The following USP6NL variants were observed in gnomAD, a reference collection of about 807,000 sequenced individuals.
USP6NL encodes the protein USP6 N-terminal-like protein.
Under a neutral mutation model 61.9 loss-of-function variants are expected in USP6NL, and 26 were observed. That is an observed-to-expected ratio of 0.42 (90% CI 0.31 to 0.58). The LOEUF is 0.58. Ranked by LOEUF, USP6NL falls within the 20% of genes least tolerant of loss-of-function variation. The pLI is 0.16. For synonymous variants in USP6NL, 432 were observed against 390.1 expected, an observed-to-expected ratio of 1.11 and a Z score of -1.27; for missense variants, 1,114 against 1,034.3, an observed-to-expected ratio of 1.08 and a Z score of -1.06.
chr10:11,481,985 C>T lies in USP6NL; in HGVS notation c.926-63G>A. 2 of 1,482,622 alleles carry T rather than the reference C, an allele frequency of 1.3e-6. No homozygotes were observed. The highest frequency in any genetic ancestry group is 1.8e-6 in the Non-Finnish European group (2 of 1,110,184). The allele number at this position is 1,482,622 out of a possible 1,614,324, so 91.8% of individuals were successfully genotyped here. ...TAGCTACTTTAGGTAGGAAGATATT[C>T]TATTATATTCAGGTGTAGTGTAAAA... On this transcript the variant is annotated intron_variant, in intron 13 of 14. Coordinates refer to ENST00000609104, the MANE Select transcript of USP6NL (RefSeq NM_014688.5). The surrounding 1 kb of genome is among the most constrained non-coding windows in gnomAD (Gnocchi z 4.4).
intron 2 of USP6NL, among the ~76,000 whole-genome samples, chr10:11,578,892 C>T (rs576060839): frequency 3.9e-5 from 6 of 152,296 alleles, no homozygotes; most frequent in African/African-American, 9.6e-5. Context: ...TGCCACATCT[C>T]GTTTATATCA....
chr10:11,562,223 C>A lies in USP6NL; in HGVS notation c.5-34656G>T, dbSNP rs966909138. ...GTTGCAGTGAGCCGAGATCGCACCA[C>A]TGCACGCCAGCCTGGCGGACAGTGC... On this transcript the variant is annotated intron_variant, in intron 2 of 14. Transcript: ENST00000609104. This position sits in a 1 kb window ranked among gnomAD's most constrained non-coding sequence, Gnocchi z 4.8. Among the ~76,000 whole-genome samples the A allele has an allele frequency of 6.6e-6, 1 of 150,796 alleles. No homozygotes were observed. Among genetic ancestry groups the A allele is most frequent in the South Asian group, 2.1e-4 (1 of 4,792 alleles).
In USP6NL at chr10:11,489,331, T is replaced by C. The variant is rs1384191345; in HGVS notation, c.544-109A>G. ...ACCAGAAAATGCCTACACACATCAT[T>C]TAATGGTCCATTCTAGAGACAAATA... On this transcript the variant is annotated intron_variant, in intron 9 of 14. Coordinates refer to ENST00000609104, the MANE Select transcript of USP6NL (RefSeq NM_014688.5). This position sits in a 1 kb window ranked among gnomAD's most constrained non-coding sequence, Gnocchi z 5.7. The C allele has an allele frequency of 1.2e-5, 17 of 1,391,198 alleles. No homozygotes were observed. The East Asian group carries it at 3.0e-4, about 25-fold the overall frequency. 86.2% of individuals were successfully genotyped at this position (1,391,198 alleles called of 1,614,324 possible). A position where few individuals can be genotyped will look rare whatever the true frequency, so the allele number is the denominator to read the frequency against.
At chr10:11,582,637 A>T (rs1837819587) in intron 2 of USP6NL, among the ~76,000 whole-genome samples, 1 of 152,220 alleles carries the variant, frequency 6.6e-6, no homozygotes, top group Non-Finnish European at 1.5e-5. Flanking sequence ...ATTGTTTATG[A>T]ACAGAAGTAT....
In USP6NL at chr10:11,490,909, A is replaced by G. The variant is rs1833687583; in HGVS notation, c.495-29T>C. The G allele has an allele frequency of 1.3e-6, 2 of 1,503,876 alleles. No homozygotes were observed. Among genetic ancestry groups the G allele is most frequent in the Non-Finnish European group, 1.8e-6 (2 of 1,124,094 alleles). 93.2% of individuals were successfully genotyped at this position (1,503,876 alleles called of 1,614,324 possible). ...GAGAAAAAAATTTACATTAAATACA[A>G]TTTAGTAATTTCACATATTTTAAAA... On this transcript the variant is annotated intron_variant, in intron 8 of 14. Transcript: ENST00000609104. This position sits in a 1 kb window ranked among gnomAD's most constrained non-coding sequence, Gnocchi z 4.5.
intron 2 of USP6NL, among the ~76,000 whole-genome samples, chr10:11,531,134 G>A (rs543277467): frequency 2.6e-5 from 4 of 152,202 alleles, no homozygotes; most frequent in East Asian, 1.9e-4. Flanking sequence ...TTATGCTCTC[G>A]TTGCATGACA....
chr10:11,551,828 CT>C (rs1336824046), intron 2 of USP6NL, among the ~76,000 whole-genome samples: 1 of 152,172 alleles, frequency 6.6e-6, no homozygotes, highest in Non-Finnish European at 1.5e-5. Context: ...AATTATTTCA[CT>C]GTAATTTTGT....
At chr10:11,493,611 A>G (rs191535458) in intron 7 of USP6NL, among the ~76,000 whole-genome samples, 113 of 152,334 alleles carry the variant, frequency 7.4e-4, no homozygotes, top group African/African-American at 2.7e-3. Context: ...TTTTCCTTGA[A>G]GCTAATCATT....
At chr10:11,498,966 C>T (rs1047311322) in intron 7 of USP6NL, among the ~76,000 whole-genome samples, 2 of 152,156 alleles carry the variant, frequency 1.3e-5, no homozygotes, top group Non-Finnish European at 2.9e-5. Flanking sequence ...TGCCACTGTA[C>T]CTATTCATCT....
At chr10:11,550,445 G>T (rs150323970) in intron 2 of USP6NL, among the ~76,000 whole-genome samples, 1 of 151,802 alleles carries the variant, frequency 6.6e-6, no homozygotes, top group Admixed American at 6.6e-5. Flanking sequence ...TTGTTTTTTC[G>T]GGTTTTGTTT....
In USP6NL at chr10:11,495,251, G is replaced by A. The variant is rs145753874; in HGVS notation, c.385-2023C>T. 2.7e-3 allele frequency among the ~76,000 whole-genome samples: 412 copies of A among 152,310 alleles called. 1 individual carries two copies. Among genetic ancestry groups the A allele is most frequent in the African/African-American group, 9.2e-3 (383 of 41,576 alleles). ...TTTTCCTAGGTTATGATTATAGAGCGAGGATTATTATAATATTGGAATATA... is the reference window on the plus strand; with the variant it reads ...TTTTCCTAGGTTATGATTATAGAGCAAGGATTATTATAATATTGGAATATA... On this transcript the variant is annotated intron_variant, in intron 7 of 14. Coordinates refer to ENST00000609104, the MANE Select transcript of USP6NL (RefSeq NM_014688.5). The surrounding 1 kb of genome is among the most constrained non-coding windows in gnomAD (Gnocchi z 4.6).
At chr10:11,522,397 T>C (rs539434127) in intron 4 of USP6NL, among the ~76,000 whole-genome samples, 3 of 152,202 alleles carry the variant, frequency 2.0e-5, no homozygotes, top group South Asian at 2.1e-4. Flanking sequence ...TCTACATGCT[T>C]ACACCAAATG....
At chr10:11,524,652 T>C (rs1399744123) in intron 4 of USP6NL, among the ~76,000 whole-genome samples, 5 of 152,234 alleles carry the variant, frequency 3.3e-5, no homozygotes. Context: ...TCATGTATTA[T>C]AAAATAAAAA....
In USP6NL at chr10:11,562,552, T is replaced by G; in HGVS notation, c.5-34985A>C. ...GCTTGGCCACTGTGACTACTCTGAGTCTAGCTAGCCTGGACTGTTTCAGCC... is the reference window on the plus strand; with the variant it reads ...GCTTGGCCACTGTGACTACTCTGAGGCTAGCTAGCCTGGACTGTTTCAGCC... On this transcript the variant is annotated intron_variant, in intron 2 of 14. Coordinates refer to ENST00000609104, the MANE Select transcript of USP6NL (RefSeq NM_014688.5). This position sits in a 1 kb window ranked among gnomAD's most constrained non-coding sequence, Gnocchi z 4.8. The G allele has an allele frequency of 2.0e-6, 2 of 985,378 alleles. No homozygotes were observed. Among genetic ancestry groups the G allele is most frequent in the Non-Finnish European group, 2.4e-6 (2 of 829,900 alleles). The allele number at this position is 985,378 out of a possible 1,614,324, so 61.0% of individuals were successfully genotyped here.
At chr10:11,564,544 G>A (rs1431225493) in intron 2 of USP6NL, 1 of 152,206 alleles carries the variant, frequency 6.6e-6, no homozygotes, top group East Asian at 1.9e-4. Context: ...TCTCCAAAAT[G>A]ATTAATGAAT....
chr10:11,555,435 T>A (rs10905972), intron 2 of USP6NL, among the ~76,000 whole-genome samples: 2,161 of 51,182 alleles, frequency 0.042, 22 homozygotes, highest in Non-Finnish European at 0.055. Flanking sequence ...AAAAAAAAAA[T>A]ATATATATAT....
intron 13 of USP6NL, among the ~76,000 whole-genome samples, chr10:11,484,267 T>C (rs1369111002): frequency 6.6e-6 from 1 of 152,186 alleles, no homozygotes; most frequent in Non-Finnish European, 1.5e-5. Flanking sequence ...TAAGGCTGAA[T>C]TGAAACTTTA....
intron 2 of USP6NL, among the ~76,000 whole-genome samples, chr10:11,593,920 A>G (rs910933929): frequency 6.6e-6 from 1 of 152,230 alleles, no homozygotes; most frequent in Non-Finnish European, 1.5e-5. Flanking sequence ...AAGGGCTGGG[A>G]AACACTGCAA....
intron 2 of USP6NL, among the ~76,000 whole-genome samples, chr10:11,572,755 T>A (rs963240953): frequency 1.3e-5 from 2 of 152,194 alleles, no homozygotes; most frequent in Non-Finnish European, 2.9e-5. Context: ...TGCTTACATG[T>A]GAAAAGGCTG....
Sources: gnomAD v4.1 joint callset for allele counts (sites outside exome capture counted in the v4.1 genomes callset) on GRCh38, gnomAD v4.1.1 for gene constraint, Gnocchi (gnomAD v3.1) non-coding constraint, MANE v1.5 for transcripts, NCBI Gene and HGNC (gene_info 2026-07-23, HGNC 2026-07-21) for gene names.